The following GLIS2 variants were observed in gnomAD, a reference collection of about 807,000 sequenced individuals.
GLIS2 encodes the protein GLIS family zinc finger 2, also known as zinc finger protein GLIS2.
In GLIS2, 14 loss-of-function variants were observed where a neutral mutation model predicts 35.6. The observed-to-expected ratio is 0.39, with a 90% CI of 0.26 to 0.61. The LOEUF (loss-of-function observed/expected upper bound fraction) is 0.61, where lower values mean the gene tolerates loss of function less well. Ranked by LOEUF, GLIS2 falls within the 20% of genes least tolerant of loss-of-function variation. GLIS2 has a pLI of 0.48. For missense variants in GLIS2, 675 were observed against 713.4 expected (o/e 0.95, Z 0.61); for synonymous variants, 368 against 325.1 (o/e 1.13, Z -1.42).
intron 1 of GLIS2, among the ~76,000 whole-genome samples, chr16:4,326,130 A>G (rs914475036): frequency 2.5e-4 from 38 of 152,006 alleles, no homozygotes; most frequent in Non-Finnish European, 4.9e-4. Context: ...CTGTAGTCCC[A>G]GCAACTCAGG....
Position 4,333,402 on chromosome 16 carries a change from C to T in GLIS2, c.228C>T (p.Ala76=), listed in dbSNP as rs1475710618. ...PEKVEGRFSA[A]PLVDLSLSPP... ...AGGTGGAGGGACGCTTTTCAGCAGC[C>T]CCTCTCGTGGACCTCAGCCTGTCAC... The change falls in exon 3 of 7, where the codon GCC becomes GCT. Residue 76 remains alanine (A), a synonymous_variant. Transcript: ENST00000433375. 1.9e-6 allele frequency: 3 copies of T among 1,613,086 alleles called. No individual in the cohort carries two copies. Among genetic ancestry groups the T allele is most frequent in the Non-Finnish European group, 2.5e-6 (3 of 1,180,018 alleles).
At chr16:4,327,203 C>T (rs1004609690) in intron 1 of GLIS2, among the ~76,000 whole-genome samples, 1 of 152,222 alleles carries the variant, frequency 6.6e-6, no homozygotes, top group African/African-American at 2.4e-5. Flanking sequence ...CTAGAAGGAG[C>T]TTTATTCAGA....
chr16:4,335,742 C>T lies in GLIS2; in HGVS notation c.775+349C>T. On this transcript the variant is annotated intron_variant, in intron 6 of 6. Coordinates refer to ENST00000433375, the MANE Select transcript of GLIS2 (RefSeq NM_032575.3). This position sits in a 1 kb window ranked among gnomAD's most constrained non-coding sequence, Gnocchi z 4.6. ...CAGCTCTGGTTGTCAGAGCCACAGA[C>T]ATAATTTTACATTTCCTAATCGCTG... The T allele has an allele frequency of 3.2e-6, 1 of 311,024 alleles. No individual in the cohort carries two copies. Among genetic ancestry groups the T allele is most frequent in the Non-Finnish European group, 6.1e-6 (1 of 164,668 alleles). The allele number at this position is 311,024 out of a possible 1,614,324, so 19.3% of individuals were successfully genotyped here.
At chr16:4,315,992 C>T (rs1278826451), upstream of GLIS2, among the ~76,000 whole-genome samples, 1 of 146,044 alleles carries the variant, frequency 6.8e-6, no homozygotes, top group African/African-American at 2.5e-5. Context: ...CCTCCTCCCG[C>T]CGCCTCCCTC....
intron 3 of GLIS2, among the ~76,000 whole-genome samples, chr16:4,334,355 A>G (rs2053527594): frequency 6.6e-6 from 1 of 150,490 alleles, no homozygotes; most frequent in African/African-American, 2.5e-5. Context: ...CTCCTGCCTC[A>G]GCCTCCCAAA....
chr16:4,333,040 ACC>A (rs1463709198), intron 2 of GLIS2, among the ~76,000 whole-genome samples: 1 of 152,064 alleles, frequency 6.6e-6, no homozygotes, highest in African/African-American at 2.4e-5. Flanking sequence ...TCTGACAGGG[ACC>A]CAGGGGCCCT....
intron 1 of GLIS2, among the ~76,000 whole-genome samples, chr16:4,326,121 T>G (rs1362507903): frequency 6.6e-6 from 1 of 151,888 alleles, no homozygotes; most frequent in Admixed American, 6.6e-5. Context: ...GGTGGGCGCC[T>G]GTAGTCCCAG....
At chr16:4,326,922 G>A (rs1398405220) in intron 1 of GLIS2, among the ~76,000 whole-genome samples, 6 of 152,068 alleles carry the variant, frequency 3.9e-5, no homozygotes, top group Non-Finnish European at 5.9e-5. Flanking sequence ...CACCACGCCC[G>A]GCTAATTTTC....
In GLIS2 at chr16:4,337,423, A is replaced by G. The variant is rs8057701; in HGVS notation, c.1474A>G (p.Thr492Ala). The change falls in exon 7 of 7, where the codon ACG (threonine) becomes GCG (alanine). Residue 492 changes from threonine to alanine, a missense_variant. Physicochemically the swap from Thr to Ala is moderately conservative, Grantham distance 58. Coordinates refer to ENST00000433375, the MANE Select transcript of GLIS2 (RefSeq NM_032575.3). ...LLPGTVLDLS[T>A]GVNSAASSPE... is the part of the protein sequence containing the mutation. Reference sequence around the variant, plus strand: ...GCCAGGCACCGTGCTGGACCTGTCCACGGGCGTCAACTCAGCTGCCAGCAG... The same window carrying G: ...GCCAGGCACCGTGCTGGACCTGTCCGCGGGCGTCAACTCAGCTGCCAGCAG... The G allele has an allele frequency of 0.04, 63,008 of 1,584,644 alleles. 1,809 individuals carry two copies. Among genetic ancestry groups the G allele is most frequent in the African/African-American group, 0.14 (10,236 of 74,482 alleles).
intron 1 of GLIS2, among the ~76,000 whole-genome samples, chr16:4,318,883 G>A (rs137973892): frequency 2.0e-5 from 3 of 152,364 alleles, no homozygotes; most frequent in East Asian, 1.9e-4. Flanking sequence ...GGACCAGGGG[G>A]TGAGGGCCAG....
In GLIS2 at chr16:4,332,593, C is replaced by T. The variant is rs112475188; in HGVS notation, c.172+141C>T. On this transcript the variant is annotated intron_variant, in intron 2 of 6. Transcript: ENST00000433375. The surrounding 1 kb of genome is among the most constrained non-coding windows in gnomAD (Gnocchi z 5.4). ...TGGGAAGCCCGCACGCTTGTCCTTC[C>T]ATCCGCCCAGCATCGTATGTCTGCA... 1.8e-3 allele frequency: 1,775 copies of T among 988,204 alleles called. 31 individuals carry two copies. In the African/African-American group the frequency reaches 0.025, roughly 14 times the overall value. The allele number at this position is 988,204 out of a possible 1,614,324, so 61.2% of individuals were successfully genotyped here. A position where few individuals can be genotyped will look rare whatever the true frequency, so the allele number is the denominator to read the frequency against.
At chr16:4,330,277 A>T (rs2053484619) in intron 1 of GLIS2, among the ~76,000 whole-genome samples, 2 of 152,218 alleles carry the variant, frequency 1.3e-5, no homozygotes. Flanking sequence ...TCCATTTCCA[A>T]AAAGAAAATG....
chr16:4,334,345 C>G lies in GLIS2; in HGVS notation c.346-456C>G, dbSNP rs562091867. ...CTCTGCCTCCCAGGTTCAAGCAATT[C>G]TCCTGCCTCAGCCTCCCAAATAGCT... is the stretch of plus-strand genomic sequence containing the variant. On this transcript the variant is annotated intron_variant, in intron 3 of 6. Coordinates refer to ENST00000433375, the MANE Select transcript of GLIS2 (RefSeq NM_032575.3). 3.5e-3 allele frequency among the ~76,000 whole-genome samples: 525 copies of G among 150,850 alleles called. 3 individuals carry two copies. Among genetic ancestry groups the G allele is most frequent in the Non-Finnish European group, 6.3e-3 (428 of 67,846 alleles).
intron 1 of GLIS2, among the ~76,000 whole-genome samples, chr16:4,317,206 G>A (rs1260959869): frequency 6.6e-6 from 1 of 152,170 alleles, no homozygotes; most frequent in Non-Finnish European, 1.5e-5. Flanking sequence ...GCTGGGAGGG[G>A]CCCTGGGCCC....
In GLIS2 at chr16:4,337,799, T is replaced by C; in HGVS notation, c.*275T>C. ...ACCTGGCCCTCAGCTTCTGAGAGGC[T>C]TTCCCCTGCCCGACCTCCTCCCGTT... On this transcript the variant is annotated 3_prime_UTR_variant, in exon 7 of 7. Coordinates refer to ENST00000433375, the MANE Select transcript of GLIS2 (RefSeq NM_032575.3). The C allele has an allele frequency of 1.7e-6, 1 of 581,084 alleles. No homozygotes were observed. The highest frequency in any genetic ancestry group is 3.1e-6 in the Non-Finnish European group (1 of 323,548). The allele number at this position is 581,084 out of a possible 1,614,324, so 36.0% of individuals were successfully genotyped here. A position where few individuals can be genotyped will look rare whatever the true frequency, so the allele number is the denominator to read the frequency against.
At chr16:4,329,869 G>C in intron 1 of GLIS2, among the ~76,000 whole-genome samples, 1 of 152,212 alleles carries the variant, frequency 6.6e-6, no homozygotes, top group Middle Eastern at 3.2e-3. Flanking sequence ...AGGAAATGTC[G>C]TGTTTAACCG....
upstream of GLIS2, among the ~76,000 whole-genome samples, chr16:4,315,714 C>A (rs1239277607): frequency 6.6e-6 from 1 of 150,498 alleles, no homozygotes; most frequent in Non-Finnish European, 1.5e-5. Flanking sequence ...GCGCGCGGCT[C>A]GGCGCCCCAC....
Position 4,337,041 on chromosome 16 carries a change from C to A in GLIS2, c.1092C>A (p.Gly364=), listed in dbSNP as rs759474185. The A allele has an allele frequency of 8.2e-6, 13 of 1,583,342 alleles. No individual in the cohort carries two copies. Among genetic ancestry groups the A allele is most frequent in the Non-Finnish European group, 1.1e-5 (13 of 1,169,852 alleles). ...CCAACCCAGCTGCCCTCTTTGGAGGCCCTGGCCTGCCCGGCTTACCCCTAC... is the reference window on the plus strand; with the variant it reads ...CCAACCCAGCTGCCCTCTTTGGAGGACCTGGCCTGCCCGGCTTACCCCTAC... ...IIPNPAALFG[G]PGLPGLPLPL... is the part of the protein sequence containing the mutation. The change falls in exon 7 of 7, where the codon GGC becomes GGA. Residue 364 remains glycine (G), a synonymous_variant. Coordinates refer to ENST00000433375, the MANE Select transcript of GLIS2 (RefSeq NM_032575.3).
Position 4,334,919 on chromosome 16 carries a change from A to T in GLIS2, c.464A>T (p.Asp155Val). ...PASSFLTPPK[D>V]KCLSPDLPLP... is the part of the protein sequence containing the mutation. ...TCCTCCTTCCTTACCCCTCCCAAGGACAAGTGCCTCTCGCCAGACCTGCCC... is the reference window on the plus strand; with the variant it reads ...TCCTCCTTCCTTACCCCTCCCAAGGTCAAGTGCCTCTCGCCAGACCTGCCC... The change falls in exon 4 of 7, where the codon GAC becomes GTC. Residue 155 changes from aspartate (D) to valine (V), a missense_variant. Asp to Val is a radical substitution (Grantham distance 152). Transcript: ENST00000433375. The T allele has an allele frequency of 1.2e-6, 2 of 1,613,034 alleles. No homozygotes were observed. The highest frequency in any genetic ancestry group is 1.3e-5 in the African/African-American group (1 of 74,996).
Sources: gnomAD v4.1 joint callset for allele counts (sites outside exome capture counted in the v4.1 genomes callset) on GRCh38, gnomAD v4.1.1 for gene constraint, Gnocchi (gnomAD v3.1) non-coding constraint, MANE v1.5 for transcripts, NCBI Gene and HGNC (gene_info 2026-07-23, HGNC 2026-07-21) for gene names.